Variants in CTNNA2 observed in about 807,000 individuals in gnomAD.
CTNNA2 encodes catenin alpha 2, also known as catenin alpha-2.
Under a neutral mutation model 101.0 loss-of-function variants are expected in CTNNA2, and 42 were observed. The ratio of observed to expected loss-of-function variants is 0.42; its 90% CI spans 0.32 to 0.54. The LOEUF (loss-of-function observed/expected upper bound fraction) is 0.54, where lower values mean the gene tolerates loss of function less well. Among genes scored for constraint, CTNNA2 ranks in the 20% least tolerant of loss-of-function variants. The pLI is 0.14. For synonymous variants in CTNNA2, 450 were observed against 456.4 expected, an observed-to-expected ratio of 0.99 and a Z score of 0.18; for missense variants, 871 against 1,223.1, an observed-to-expected ratio of 0.71 and a Z score of 4.29.
chr2:80,080,093 G>C (rs1461012037), intron 7 of CTNNA2, among the ~76,000 whole-genome samples: 1 of 152,086 alleles, frequency 6.6e-6, no homozygotes, highest in Non-Finnish European at 1.5e-5. Flanking sequence ...GCGGAGACTG[G>C]TTCCCCCAGT....
intron 9 of CTNNA2, among the ~76,000 whole-genome samples, chr2:80,532,012 G>C (rs973422753): frequency 2.6e-5 from 4 of 152,142 alleles, no homozygotes; most frequent in Non-Finnish European, 4.4e-5. Flanking sequence ...AGCAGTCATA[G>C]GCAATATGTA....
At chr2:80,607,851 C>T (rs1180965315) in intron 16 of CTNNA2, among the ~76,000 whole-genome samples, 1 of 151,792 alleles carries the variant, frequency 6.6e-6, no homozygotes. Flanking sequence ...TAACATTTCA[C>T]ATAGTGAAAG....
intron 9 of CTNNA2, among the ~76,000 whole-genome samples, chr2:80,535,062 G>T (rs1162091707): frequency 1.3e-5 from 2 of 152,156 alleles, no homozygotes; most frequent in Non-Finnish European, 2.9e-5. Context: ...GTGACAAAAA[G>T]AATTATAACT....
intron 7 of CTNNA2, among the ~76,000 whole-genome samples, chr2:79,973,952 G>GTTTGT (rs34034577): frequency 0.93 from 141,208 of 151,442 alleles, 66,003 homozygotes; most frequent in African/African-American, 0.97. Flanking sequence ...TTGTTTGTTT[G>GTTTGT]TTTGTTTTGT....
At chr2:80,055,375 T>C (rs1192074511) in intron 7 of CTNNA2, among the ~76,000 whole-genome samples, 1 of 152,118 alleles carries the variant, frequency 6.6e-6, no homozygotes, top group East Asian at 1.9e-4. Flanking sequence ...ACTTTGCTTG[T>C]GTTGGGAGCA....
chr2:79,430,783 A>C (rs1678651336), intron 4 of CTNNA2, among the ~76,000 whole-genome samples: 2 of 149,292 alleles, frequency 1.3e-5, no homozygotes, highest in Admixed American at 6.8e-5. Flanking sequence ...TTCCTTATCT[A>C]TCCCCACATA....
intron 4 of CTNNA2, among the ~76,000 whole-genome samples, chr2:79,428,658 G>A (rs62156962): frequency 0.32 from 48,527 of 151,960 alleles, 7,886 homozygotes; most frequent in South Asian, 0.44. Flanking sequence ...TACAGGATCT[G>A]TGTAAAGCAT....
chr2:79,855,206 TTC>T (rs1409852056), intron 3 of CTNNA2, among the ~76,000 whole-genome samples: 1 of 152,038 alleles, frequency 6.6e-6, no homozygotes, highest in Non-Finnish European at 1.5e-5. Flanking sequence ...CTCTCTGTCT[TTC>T]TCTTTCTTTC....
chr2:79,460,930 C>T (rs1670871057), intron 4 of CTNNA2, among the ~76,000 whole-genome samples: 1 of 152,170 alleles, frequency 6.6e-6, no homozygotes, highest in Non-Finnish European at 1.5e-5. Context: ...CAACATCTGC[C>T]TCCAGGGTTC....
intron 3 of CTNNA2, among the ~76,000 whole-genome samples, chr2:79,781,451 T>C (rs745430213): frequency 1.4e-4 from 22 of 152,200 alleles, no homozygotes; most frequent in Non-Finnish European, 3.2e-4. Flanking sequence ...AGCCTTATTT[T>C]ACCCAGCTCC....
intron 7 of CTNNA2, among the ~76,000 whole-genome samples, chr2:80,265,559 C>G (rs929514668): frequency 6.6e-6 from 1 of 152,186 alleles, no homozygotes; most frequent in African/African-American, 2.4e-5. Context: ...TGAGACCCTT[C>G]CCAAACCTGA....
chr2:80,585,002 T>A (rs1695855203), intron 14 of CTNNA2, among the ~76,000 whole-genome samples: 1 of 132,136 alleles, frequency 7.6e-6, no homozygotes, highest in Non-Finnish European at 1.6e-5. Context: ...CCTTAACTAC[T>A]TATTATACTG....
intron 2 of CTNNA2, among the ~76,000 whole-genome samples, chr2:79,299,753 A>G (rs1434418204): frequency 6.6e-6 from 1 of 152,220 alleles, no homozygotes; most frequent in African/African-American, 2.4e-5. Flanking sequence ...AATGGTTGAA[A>G]AAGTTTTCCA....
intron 4 of CTNNA2, among the ~76,000 whole-genome samples, chr2:79,403,724 C>A (rs1313833414): frequency 1.3e-5 from 2 of 151,848 alleles, no homozygotes; most frequent in Non-Finnish European, 2.9e-5. Flanking sequence ...CAATGAGATG[C>A]CAGGTTAGAC....
At chr2:80,258,701 G>T (rs1159877888) in intron 7 of CTNNA2, among the ~76,000 whole-genome samples, 3 of 152,134 alleles carry the variant, frequency 2.0e-5, no homozygotes, top group South Asian at 2.1e-4. Context: ...CATTTCACAG[G>T]CATCAAAACC....
At chr2:79,815,622 C>T (rs575895724) in intron 3 of CTNNA2, among the ~76,000 whole-genome samples, 1 of 151,996 alleles carries the variant, frequency 6.6e-6, no homozygotes, top group African/African-American at 2.4e-5. Flanking sequence ...GGTCTATGTG[C>T]CTATTTTTAT....
intron 9 of CTNNA2, among the ~76,000 whole-genome samples, chr2:80,479,157 A>G (rs1685956470): frequency 6.6e-6 from 1 of 152,112 alleles, no homozygotes; most frequent in African/African-American, 2.4e-5. Flanking sequence ...ATTTATTAAC[A>G]GTTTTTTTCC....
Position 79,973,583 on chromosome 2 carries a change from A to G in CTNNA2, c.1056+63786A>G, listed in dbSNP as rs1440034150. Among the ~76,000 whole-genome samples the G allele has an allele frequency of 2.6e-5, 4 of 152,170 alleles. No homozygotes were observed. In the South Asian group the frequency reaches 6.2e-4, roughly 24 times the overall value. On this transcript the variant is annotated intron_variant, in intron 7 of 18. Transcript: ENST00000402739. ...GCCCAGGTGAAAATAAGTAGAAAAC[A>G]TACTCCTAAGGTGTGTCAACCTAAA...
chr2:80,614,293 A>G lies in CTNNA2; in HGVS notation c.2431-4792A>G, dbSNP rs978408437. Among the ~76,000 whole-genome samples the G allele has an allele frequency of 4.0e-5, 6 of 148,340 alleles. No homozygotes were observed. The East Asian group carries it at 1.2e-3, about 29-fold the overall frequency. ...GGATTGAAAATATTTGGAAAAAAAT[A>G]AAAGTAACAATACAGCAATAAAAAT... On this transcript the variant is annotated intron_variant, in intron 17 of 18. Transcript: ENST00000402739.
Sources: gnomAD v4.1 joint callset for allele counts (sites outside exome capture counted in the v4.1 genomes callset) on GRCh38, gnomAD v4.1.1 for gene constraint, MANE v1.5 for transcripts, NCBI Gene and HGNC (gene_info 2026-07-23, HGNC 2026-07-21) for gene names.